RAMP3: variants seen among roughly 807,000 people sequenced by gnomAD.
RAMP3 encodes receptor activity modifying protein 3.
RAMP3 carries 14 observed loss-of-function variants against 13.5 expected under a neutral mutation model. That is an observed-to-expected ratio of 1.04 (90% CI 0.69 to 1.63). The LOEUF (loss-of-function observed/expected upper bound fraction) is 1.63. RAMP3 is among the 40% of genes most tolerant of loss of function. The pLI, the probability that RAMP3 is intolerant of heterozygous loss-of-function variation, is 0.00. For missense variants in RAMP3, 200 were observed against 204.8 expected (o/e 0.98, Z 0.14); for synonymous variants, 106 against 88.3 (o/e 1.20, Z -1.12).
At chr7:45,179,353 C>A (rs1366513415) in intron 2 of RAMP3, among the ~76,000 whole-genome samples, 1 of 123,042 alleles carries the variant, frequency 8.1e-6, no homozygotes, top group Non-Finnish European at 1.9e-5. Flanking sequence ...AGTCCCCACT[C>A]CCAGTCACGA....
chr7:45,182,857 C>A (rs961366464), intron 2 of RAMP3, among the ~76,000 whole-genome samples: 7 of 152,282 alleles, frequency 4.6e-5, no homozygotes, highest in South Asian at 2.1e-4. Flanking sequence ...TCTGGGCAGA[C>A]CTGCGTAGTG....
rs141921483 is a variant in RAMP3, at chr7:45,177,328, C to T, written c.78C>T (p.Gly26=). The change falls in exon 2 of 3, where the codon GGC becomes GGT. Residue 26 remains glycine (G), a synonymous_variant. Coordinates refer to ENST00000242249, the MANE Select transcript of RAMP3 (RefSeq NM_005856.3). ...LLLCGGCPRA[G]GCNETGMLER... The stretch of plus-strand genomic sequence containing the variant: ...CTCCAGGTGGGTGTCCCAGAGCAGG[C>T]GGCTGCAACGAGACAGGCATGTTGG... 59 of 1,614,154 alleles carry T rather than the reference C, an allele frequency of 3.7e-5. 1 individual carries two copies. Among genetic ancestry groups the T allele is most frequent in the African/African-American group, 5.3e-5 (4 of 75,062 alleles).
At chr7:45,163,759 A>G (rs1785907798) in intron 1 of RAMP3, 2 of 985,110 alleles carry the variant, frequency 2.0e-6, no homozygotes, top group African/African-American at 3.5e-5. Flanking sequence ...GCAAATCAGG[A>G]ACTAAACAGG....
chr7:45,183,225 C>T lies in RAMP3; in HGVS notation c.260C>T (p.Pro87Leu). The part of the protein sequence containing the change: ...ANVVGCYWPN[P>L]LAQGFITGIH... ...GTCGTGGGCTGCTACTGGCCCAACC[C>T]CCTGGCCCAGGGCTTCATCACCGGC... Residue 87 changes from proline to leucine, a missense_variant, in exon 3 of 3, where the codon CCC becomes CTC. Transcript: ENST00000242249. The T allele has an allele frequency of 1.9e-6, 3 of 1,613,856 alleles. No individual in the cohort carries two copies. The highest frequency in any genetic ancestry group is 1.3e-5 in the African/African-American group (1 of 75,038).
intron 2 of RAMP3, 43 bp downstream of exon 2, chr7:45,177,484 G>T: frequency 1.9e-6 from 3 of 1,610,872 alleles, no homozygotes; most frequent in Non-Finnish European, 2.5e-6. Context: ...TGACCACAGC[G>T]CTGCCCACTG....
intron 1 of RAMP3, among the ~76,000 whole-genome samples, chr7:45,169,899 T>A (rs1240241618): frequency 1.3e-5 from 2 of 152,260 alleles, no homozygotes; most frequent in African/African-American, 4.8e-5. Context: ...CTTCAATATA[T>A]CTTTTTTAGG....
chr7:45,158,567 A>AAG lies in RAMP3; in HGVS notation c.58+701_58+702dup, dbSNP rs71030853. ...CTAAAGAAATTATCCAAGAAAAAGT[A>AAG]AGAGAGAGAGAGAGAGAGAGAATGT... is the stretch of plus-strand genomic sequence containing the variant. On this transcript the variant is annotated intron_variant, in intron 1 of 2. Transcript: ENST00000242249. Among the ~76,000 whole-genome samples the AAG allele has an allele frequency of 5.9e-3, 894 of 150,608 alleles. 3 individuals carry two copies. The highest frequency in any genetic ancestry group is 9.3e-3 in the Non-Finnish European group (629 of 67,518).
intron 1 of RAMP3, among the ~76,000 whole-genome samples, chr7:45,160,624 G>A (rs1056490744): frequency 6.6e-6 from 1 of 152,068 alleles, no homozygotes; most frequent in Non-Finnish European, 1.5e-5. Flanking sequence ...TGTCAAGGAG[G>A]GGGAGAGCGC....
intron 1 of RAMP3, among the ~76,000 whole-genome samples, chr7:45,164,132 T>C (rs1030678839): frequency 3.3e-5 from 5 of 152,214 alleles, no homozygotes; most frequent in African/African-American, 1.2e-4. Context: ...CCACACACAG[T>C]ATACCCAGCT....
At chr7:45,173,667 T>C (rs2128657334) in intron 1 of RAMP3, among the ~76,000 whole-genome samples, 1 of 81,838 alleles carries the variant, frequency 1.2e-5, no homozygotes, top group African/African-American at 5.2e-5. Context: ...AACCCCAGCA[T>C]GGAGCTGACT....
intron 1 of RAMP3, among the ~76,000 whole-genome samples, chr7:45,171,799 A>C (rs920159716): frequency 1.3e-5 from 2 of 152,170 alleles, no homozygotes; most frequent in African/African-American, 4.8e-5. Flanking sequence ...ACCCTCAGGC[A>C]TGGACTTCTG....
chr7:45,162,342 G>C (rs1424942311), intron 1 of RAMP3, among the ~76,000 whole-genome samples: 1 of 152,212 alleles, frequency 6.6e-6, no homozygotes, highest in Non-Finnish European at 1.5e-5. Flanking sequence ...GTGCCCACTG[G>C]GAGAGAAGGA....
intron 2 of RAMP3, among the ~76,000 whole-genome samples, 183 bp from the exon 3 acceptor site, chr7:45,182,973 AG>A (rs1409617013): frequency 6.6e-6 from 1 of 152,126 alleles, no homozygotes; most frequent in Non-Finnish European, 1.5e-5. Flanking sequence ...CAGGGGACAC[AG>A]GGAATGGGTC....
intron 2 of RAMP3, among the ~76,000 whole-genome samples, chr7:45,182,495 C>A (rs141992641): frequency 6.6e-6 from 1 of 152,116 alleles, no homozygotes; most frequent in African/African-American, 2.4e-5. Context: ...CTGTGCTGGG[C>A]GGTCATGGAG....
intron 1 of RAMP3, among the ~76,000 whole-genome samples, chr7:45,172,318 G>A (rs1259561070): frequency 6.6e-6 from 1 of 152,236 alleles, no homozygotes; most frequent in Non-Finnish European, 1.5e-5. Flanking sequence ...GCCAGAGGTA[G>A]GGTGTGGAGT....
intron 1 of RAMP3, among the ~76,000 whole-genome samples, chr7:45,162,650 G>A (rs563844390): frequency 1.2e-4 from 18 of 152,330 alleles, no homozygotes; most frequent in Middle Eastern, 3.4e-3. Flanking sequence ...AGGGCTTGGC[G>A]GGTTGGGCCA....
At position 45,178,835 on chromosome 7, in the gene RAMP3, C is replaced by A. The variant is rs1450549976; in HGVS notation, c.191+1394C>A. On this transcript the variant is annotated intron_variant, in intron 2 of 2. Coordinates refer to ENST00000242249, the MANE Select transcript of RAMP3 (RefSeq NM_005856.3). Reference sequence around the variant, plus strand: ...TGGATTGGGAGGACAGGAGTGGAGGCAACCCGATGGGCATTTAGGAGCCAG... The same window carrying A: ...TGGATTGGGAGGACAGGAGTGGAGGAAACCCGATGGGCATTTAGGAGCCAG... Among the ~76,000 whole-genome samples, 3 of 152,314 alleles carry A rather than the reference C, an allele frequency of 2.0e-5. No homozygotes were observed. In the East Asian group the frequency reaches 5.8e-4, roughly 29 times the overall value.
intron 1 of RAMP3, among the ~76,000 whole-genome samples, chr7:45,170,785 G>A (rs1786064861): frequency 6.6e-6 from 1 of 152,082 alleles, no homozygotes; most frequent in Non-Finnish European, 1.5e-5. Context: ...GGCTGGGACT[G>A]CAGGTGTGCC....
chr7:45,174,140 G>A (rs1240463370), intron 1 of RAMP3, among the ~76,000 whole-genome samples: 2 of 152,268 alleles, frequency 1.3e-5, no homozygotes, highest in Admixed American at 6.5e-5. Context: ...CTTGGGTACC[G>A]TGGGTGAAGA....
Sources: allele counts gnomAD v4.1 joint callset (sites outside exome capture counted in the v4.1 genomes callset), GRCh38; gene constraint gnomAD v4.1.1; transcripts MANE v1.5; gene names NCBI Gene and HGNC (gene_info 2026-07-23, HGNC 2026-07-21).